Variants in ATG7 observed in about 807,000 individuals in gnomAD.
The protein encoded by ATG7 is ubiquitin-like modifier-activating enzyme ATG7.
In ATG7, 70 loss-of-function variants were observed where a neutral mutation model predicts 82.4. That is an observed-to-expected ratio of 0.85 (90% CI 0.70 to 1.04). ATG7 has a LOEUF of 1.04. ATG7 is among the 50% of genes least tolerant of loss of function. ATG7 has a pLI of 0.00. For missense variants in ATG7, 792 were observed against 864.3 expected, an observed-to-expected ratio of 0.92 and a Z score of 1.05; for synonymous variants, 287 against 313.0, an observed-to-expected ratio of 0.92 and a Z score of 0.88.
chr3:11,451,795 A>AC (rs1166302700), intron 20 of ATG7, among the ~76,000 whole-genome samples: 2 of 122,208 alleles, frequency 1.6e-5, no homozygotes, highest in East Asian at 4.0e-4. Flanking sequence ...CAAAAAAAAA[A>AC]AAAACAAATT....
At chr3:11,314,437 G>A (rs572743462) in intron 8 of ATG7, among the ~76,000 whole-genome samples, 7 of 151,940 alleles carry the variant, frequency 4.6e-5, no homozygotes, top group Non-Finnish European at 8.8e-5. Context: ...GTACAAATCC[G>A]AGGTTGTGGT....
chr3:11,559,386 C>A (rs200044987), downstream of ATG7: 3 of 1,557,866 alleles, frequency 1.9e-6, no homozygotes, highest in Non-Finnish European at 2.6e-6. Flanking sequence ...CCGCTGTGCG[C>A]GATGGGGCAG....
At chr3:11,489,735 C>T (rs1314659561) in intron 20 of ATG7, among the ~76,000 whole-genome samples, 2 of 148,640 alleles carry the variant, frequency 1.3e-5, no homozygotes, top group African/African-American at 4.9e-5. Context: ...TCGTTATGTA[C>T]CCAGTAGTCA....
intron 14 of ATG7, among the ~76,000 whole-genome samples, chr3:11,349,527 C>T (rs1316378458): frequency 6.6e-6 from 1 of 151,932 alleles, no homozygotes; most frequent in Non-Finnish European, 1.5e-5. Context: ...GGTGACAAGG[C>T]AAAACACTGT....
At chr3:11,307,184 TG>T in intron 6 of ATG7, 124 bp downstream of exon 6, 1 of 864,726 alleles carries the variant, frequency 1.2e-6, no homozygotes, top group South Asian at 1.5e-5. Context: ...AAGACACTTG[TG>T]GGCTTTGGTA....
chr3:11,493,261 C>T (rs2090545414), intron 20 of ATG7, among the ~76,000 whole-genome samples: 1 of 152,160 alleles, frequency 6.6e-6, no homozygotes, highest in Non-Finnish European at 1.5e-5. Context: ...AGTCAAGTTG[C>T]CCCTCTCTTT....
intron 9 of ATG7, among the ~76,000 whole-genome samples, chr3:11,320,897 C>G (rs1575429165): frequency 6.6e-6 from 1 of 152,212 alleles, no homozygotes; most frequent in Non-Finnish European, 1.5e-5. Context: ...ATTCTGTTGT[C>G]TGGTTAAGGC....
At chr3:11,522,891 G>A (rs917349057) in intron 20 of ATG7, among the ~76,000 whole-genome samples, 16 of 152,094 alleles carry the variant, frequency 1.1e-4, no homozygotes, top group African/African-American at 2.9e-4. Flanking sequence ...TAGAACAAAC[G>A]TATCTGAGGT....
At chr3:11,495,175 C>A (rs1192580868) in intron 20 of ATG7, among the ~76,000 whole-genome samples, 1 of 152,158 alleles carries the variant, frequency 6.6e-6, no homozygotes, top group East Asian at 1.9e-4. Context: ...GCAGACAGGG[C>A]AGGCTCAGTT....
the ATG7 span, chr3:11,569,043 C>G: frequency 1.6e-6 from 1 of 633,674 alleles, no homozygotes; most frequent in Non-Finnish European, 2.0e-6. Context: ...GCTCTCTAAG[C>G]TAAGAAACCA....
chr3:11,380,112 G>T lies in ATG7; in HGVS notation c.1956+60G>T, dbSNP rs190463904. The T allele has an allele frequency of 2.0e-6, 3 of 1,514,734 alleles. No homozygotes were observed. The African/African-American group carries it at 4.1e-5, about 21-fold the overall frequency. The allele number at this position is 1,514,734 out of a possible 1,614,324, so 93.8% of individuals were successfully genotyped here. A position where few individuals can be genotyped will look rare whatever the true frequency, so the allele number is the denominator to read the frequency against. Reference sequence around the variant, plus strand: ...AAAGTGAGCGGGTCAGCATTTGACCGCAGCCTCACCAGCTGGAGCCCTTGA... The same window carrying T: ...AAAGTGAGCGGGTCAGCATTTGACCTCAGCCTCACCAGCTGGAGCCCTTGA... On this transcript the variant is annotated intron_variant, in intron 19 of 20. Coordinates refer to ENST00000693202, the MANE Select transcript of ATG7 (RefSeq NM_001349232.2).
At chr3:11,413,250 TAGAG>T (rs891180842) in intron 19 of ATG7, among the ~76,000 whole-genome samples, 38 of 152,326 alleles carry the variant, frequency 2.5e-4, no homozygotes, top group African/African-American at 8.4e-4. Context: ...TTCCTGATCT[TAGAG>T]AGAAAGCGTT....
intron 20 of ATG7, among the ~76,000 whole-genome samples, chr3:11,488,650 C>T (rs1259441688): frequency 7.9e-5 from 12 of 152,188 alleles, no homozygotes; most frequent in African/African-American, 2.4e-4. Context: ...GGCGCCGTGA[C>T]CTCCTCTCAA....
intron 20 of ATG7, among the ~76,000 whole-genome samples, chr3:11,471,078 C>T (rs969979469): frequency 2.6e-5 from 4 of 152,178 alleles, no homozygotes; most frequent in African/African-American, 7.2e-5. Context: ...GAGCCCAGCC[C>T]TTAGTCTCTG....
At chr3:11,459,209 T>C (rs1210060488) in intron 20 of ATG7, among the ~76,000 whole-genome samples, 1 of 151,338 alleles carries the variant, frequency 6.6e-6, no homozygotes, top group African/African-American at 2.4e-5. Flanking sequence ...CATCAGTCAT[T>C]ATGGTGAAAT....
chr3:11,499,829 C>G (rs1274969968), intron 20 of ATG7, among the ~76,000 whole-genome samples: 1 of 152,042 alleles, frequency 6.6e-6, no homozygotes, highest in Non-Finnish European at 1.5e-5. Context: ...CCTCCACACG[C>G]AGTTTGGGAG....
intron 4 of ATG7, 74 bp downstream of exon 4, chr3:11,298,929 C>T: frequency 4.0e-6 from 6 of 1,514,688 alleles, no homozygotes; most frequent in Non-Finnish European, 3.6e-6. Flanking sequence ...GTCAGCTTTC[C>T]TTTAGAAAGA....
intron 20 of ATG7, among the ~76,000 whole-genome samples, chr3:11,534,461 C>T (rs1357022251): frequency 1.3e-5 from 2 of 152,244 alleles, no homozygotes; most frequent in Non-Finnish European, 2.9e-5. Context: ...CTGTGTTGCC[C>T]TGTGGGTTAG....
At chr3:11,419,432 T>C (rs1372910516) in intron 19 of ATG7, among the ~76,000 whole-genome samples, 1 of 152,120 alleles carries the variant, frequency 6.6e-6, no homozygotes. Flanking sequence ...TGTGCGCCTG[T>C]AATCCCAGCT....
Sources: gnomAD v4.1 joint callset for allele counts (sites outside exome capture counted in the v4.1 genomes callset) on GRCh38, gnomAD v4.1.1 for gene constraint, MANE v1.5 for transcripts, NCBI Gene and HGNC (gene_info 2026-07-23, HGNC 2026-07-21) for gene names.